Variants in BCL2L11 observed in about 807,000 individuals in gnomAD.
BCL2L11 encodes BCL2 like 11.
Under a neutral mutation model 20.6 loss-of-function variants are expected in BCL2L11, and 15 were observed. The observed-to-expected ratio is 0.73, with a 90% CI of 0.49 to 1.12. BCL2L11 has a LOEUF of 1.12. Ranked by LOEUF, BCL2L11 falls within the 50% of genes most tolerant of loss-of-function variation. The pLI is 0.00. For missense variants in BCL2L11, 292 were observed against 260.9 expected, an observed-to-expected ratio of 1.12 and a Z score of -0.82; for synonymous variants, 108 against 92.8, an observed-to-expected ratio of 1.16 and a Z score of -0.94.
intron 3 of BCL2L11, chr2:111,151,909 C>T: frequency 6.5e-7 from 1 of 1,531,492 alleles, no homozygotes; most frequent in Non-Finnish European, 8.9e-7. Context: ...TTTTTTGGAA[C>T]TTTGGTTGGT....
At chr2:111,139,086 A>G (rs1002184755) in intron 2 of BCL2L11, among the ~76,000 whole-genome samples, 5 of 152,150 alleles carry the variant, frequency 3.3e-5, no homozygotes, top group Non-Finnish European at 7.3e-5. Context: ...ATGCTACTAT[A>G]ATTCTAATCC....
At chr2:111,155,727 C>G (rs1289165818) in intron 3 of BCL2L11, among the ~76,000 whole-genome samples, 1 of 152,164 alleles carries the variant, frequency 6.6e-6, no homozygotes, top group Non-Finnish European at 1.5e-5. Context: ...CTGCAGTGGA[C>G]AGCAGCACAT....
At chr2:111,135,662 A>G (rs1365698554) in intron 2 of BCL2L11, among the ~76,000 whole-genome samples, 1 of 151,942 alleles carries the variant, frequency 6.6e-6, no homozygotes, top group African/African-American at 2.4e-5. Context: ...TGGGGCGAAG[A>G]CTCAGTACCC....
At position 111,123,857 on chromosome 2, in the gene BCL2L11, A is replaced by G. The variant is rs1559009310; in HGVS notation, c.112A>G (p.Thr38Ala). ...ACCTGGGGCCCCTACCTCCCTACAG[A>G]CAGAGCCACAAGGTAATCCTGAAGG... ...LRPGAPTSLQ[T>A]EPQGNPEGNH... Residue 38 changes from threonine (T) to alanine (A), a missense_variant, in exon 2 of 4, where the codon ACA becomes GCA. Thr to Ala is a moderately conservative substitution (Grantham distance 58). Transcript: ENST00000393256. 2 of 1,592,884 alleles carry G rather than the reference A, an allele frequency of 1.3e-6. No homozygotes were observed. Among genetic ancestry groups the G allele is most frequent in the East Asian group, 4.5e-5 (2 of 44,732 alleles).
intron 2 of BCL2L11, among the ~76,000 whole-genome samples, chr2:111,127,664 T>C (rs2072966991): frequency 6.6e-6 from 1 of 152,098 alleles, no homozygotes; most frequent in Non-Finnish European, 1.5e-5. Flanking sequence ...TGACCTCTGC[T>C]CTGCCAAAGT....
rs2150144990 is a variant in BCL2L11 at position 111,124,124 on chromosome 2, T to C, written c.379T>C (p.Tyr127His). The change falls in exon 2 of 4, where the codon TAT becomes CAT. Residue 127 changes from tyrosine (Y) to histidine (H), a missense_variant. Coordinates refer to ENST00000393256, the MANE Select transcript of BCL2L11 (RefSeq NM_138621.5). ...PSPPCQAFNHYLSAMASMRQA... is the reference protein window; with the variant it reads ...PSPPCQAFNHHLSAMASMRQA... ...TCCTCCTTGCCAGGCCTTCAACCAC[T>C]ATCTCAGTGCAATGGGTAAGCAATG... 6.2e-7 allele frequency: 1 copy of C among 1,610,866 alleles called. No homozygotes were observed. Among genetic ancestry groups the C allele is most frequent in the Non-Finnish European group, 8.5e-7 (1 of 1,178,628 alleles).
At chr2:111,148,430 A>G (rs1437452246) in intron 2 of BCL2L11, among the ~76,000 whole-genome samples, 1 of 152,270 alleles carries the variant, frequency 6.6e-6, no homozygotes, top group Non-Finnish European at 1.5e-5. Flanking sequence ...AGGAACTATG[A>G]CATCAGCATC....
In BCL2L11 at chr2:111,165,175, A is replaced by G. The variant is rs2078964682; in HGVS notation, c.*944A>G. The G allele has an allele frequency of 6.6e-6, 1 of 152,258 alleles. No individual in the cohort carries two copies. 9.4% of individuals were successfully genotyped at this position (152,258 alleles called of 1,614,324 possible). On this transcript the variant is annotated 3_prime_UTR_variant, in exon 4 of 4. Coordinates refer to ENST00000393256, the MANE Select transcript of BCL2L11 (RefSeq NM_138621.5). ...TATTGGGAAGTATTCTGAAGAGGCA[A>G]TAGCAGTAATAACAACAGACTTAAG... is the stretch of plus-strand genomic sequence containing the variant.
rs142329941 is a variant in BCL2L11 at position 111,163,119 on chromosome 2, G to C, written c.499-1014G>C. 52 of 154,574 alleles carry C rather than the reference G, an allele frequency of 3.4e-4. No homozygotes were observed. The East Asian group carries it at 9.8e-3, about 29-fold the overall frequency. The allele number at this position is 154,574 out of a possible 1,614,324, so 9.6% of individuals were successfully genotyped here. On this transcript the variant is annotated intron_variant, in intron 3 of 3. Coordinates refer to ENST00000393256, the MANE Select transcript of BCL2L11 (RefSeq NM_138621.5). ...GGAGCTGCAGCTGCGGCTGGTGTCT[G>C]TGGGGGCCATTCGGGGTCTGAGGGG... is the stretch of plus-strand genomic sequence containing the variant.
intron 2 of BCL2L11, among the ~76,000 whole-genome samples, chr2:111,134,785 T>C (rs753794032): frequency 3.3e-5 from 5 of 152,252 alleles, no homozygotes; most frequent in Non-Finnish European, 7.3e-5. Context: ...TCACGGAAGA[T>C]AGAATTCGCA....
At chr2:111,148,042 C>T (rs1231526199) in intron 2 of BCL2L11, among the ~76,000 whole-genome samples, 1 of 152,198 alleles carries the variant, frequency 6.6e-6, no homozygotes, top group African/African-American at 2.4e-5. Context: ...ACTTGGCCTG[C>T]AATTTTTACC....
rs1185182436 is a variant in BCL2L11 at position 111,121,643 on chromosome 2, CGT to C, written c.-14+457_-14+458del. ...TTTCGTGTCTTGGTTTTTTGGGGCG[CGT>C]GGGCCTGTTGCGGAGGATTTGCGGA... On this transcript the variant is annotated intron_variant, in intron 1 of 3. Transcript: ENST00000393256. Among the ~76,000 whole-genome samples the C allele has an allele frequency of 2.0e-5, 3 of 152,326 alleles. No individual in the cohort carries two copies. The East Asian group carries it at 5.8e-4, about 29-fold the overall frequency.
In BCL2L11 at chr2:111,121,014, CCG is replaced by C. The variant is rs2070783806; in HGVS notation, c.-186_-185del. 1 of 405,198 alleles carries C rather than the reference CCG, an allele frequency of 2.5e-6. No individual in the cohort carries two copies. Among genetic ancestry groups the C allele is most frequent in the African/African-American group, 2.2e-5 (1 of 45,860 alleles). The allele number at this position is 405,198 out of a possible 1,614,324, so 25.1% of individuals were successfully genotyped here. A position where few individuals can be genotyped will look rare whatever the true frequency, so the allele number is the denominator to read the frequency against. On this transcript the variant is annotated 5_prime_UTR_variant, in exon 1 of 4. Coordinates refer to ENST00000393256, the MANE Select transcript of BCL2L11 (RefSeq NM_138621.5). Reference sequence around the variant, plus strand: ...GCCGCCGCCGCCGCCGCCGCCGCCGCCGCCGCCACTACCACCACTTGATTCTT... The same window carrying C: ...GCCGCCGCCGCCGCCGCCGCCGCCGCCCGCCACTACCACCACTTGATTCTT...
chr2:111,165,461 A>G lies in BCL2L11; in HGVS notation c.*1230A>G. 6.6e-6 allele frequency: 1 copy of G among 152,406 alleles called. No individual in the cohort carries two copies. Among genetic ancestry groups the G allele is most frequent in the Non-Finnish European group, 1.5e-5 (1 of 68,068 alleles). The allele number at this position is 152,406 out of a possible 1,614,324, so 9.4% of individuals were successfully genotyped here. On this transcript the variant is annotated 3_prime_UTR_variant, in exon 4 of 4. Coordinates refer to ENST00000393256, the MANE Select transcript of BCL2L11 (RefSeq NM_138621.5). ...TTAAATTCACTTTGAAACAGGCCTC[A>G]TCCCACTTCCACCAGCACCATAGAA... is the stretch of plus-strand genomic sequence containing the variant.
intron 3 of BCL2L11, among the ~76,000 whole-genome samples, chr2:111,151,105 T>C (rs375174888): frequency 6.6e-6 from 1 of 152,186 alleles, no homozygotes; most frequent in Admixed American, 6.5e-5. Flanking sequence ...GGTTTCACCA[T>C]ATTGTCCAGG....
In BCL2L11 at chr2:111,164,294, A is replaced by G; in HGVS notation, c.*63A>G. On this transcript the variant is annotated 3_prime_UTR_variant, in exon 4 of 4. Transcript: ENST00000393256. ...TTGCTTGTTCAAACCAACAAGACCC[A>G]GCACCGCGGTCTCCTGGTGCCATTA... is the stretch of plus-strand genomic sequence containing the variant. 4 of 1,224,082 alleles carry G rather than the reference A, an allele frequency of 3.3e-6. No individual in the cohort carries two copies. The highest frequency in any genetic ancestry group is 1.2e-5 in the South Asian group (1 of 83,212). The allele number at this position is 1,224,082 out of a possible 1,614,324, so 75.8% of individuals were successfully genotyped here.
At chr2:111,145,976 T>C in intron 2 of BCL2L11, 1 of 979,108 alleles carries the variant, frequency 1.0e-6, no homozygotes, top group African/African-American at 1.8e-5. Context: ...TGGATCTGCC[T>C]AGGAAGTCAC....
chr2:111,127,525 G>T (rs2072931030), intron 2 of BCL2L11, among the ~76,000 whole-genome samples: 1 of 150,332 alleles, frequency 6.7e-6, no homozygotes, highest in Non-Finnish European at 1.5e-5. Context: ...GGGGAATAAT[G>T]GCCTGCAGAT....
In BCL2L11 at chr2:111,165,161, A is replaced by G. The variant is rs2078964166; in HGVS notation, c.*930A>G. 2 of 152,250 alleles carry G rather than the reference A, an allele frequency of 1.3e-5. No individual in the cohort carries two copies. The highest frequency in any genetic ancestry group is 2.9e-5 in the Non-Finnish European group (2 of 68,052). The allele number at this position is 152,250 out of a possible 1,614,324, so 9.4% of individuals were successfully genotyped here. On this transcript the variant is annotated 3_prime_UTR_variant, in exon 4 of 4. Coordinates refer to ENST00000393256, the MANE Select transcript of BCL2L11 (RefSeq NM_138621.5). ...TTCGACGAGCATGTTATTGGGAAGT[A>G]TTCTGAAGAGGCAATAGCAGTAATA...
Sources: gnomAD v4.1 joint callset for allele counts (sites outside exome capture counted in the v4.1 genomes callset) on GRCh38, gnomAD v4.1.1 for gene constraint, MANE v1.5 for transcripts, NCBI Gene and HGNC (gene_info 2026-07-23, HGNC 2026-07-21) for gene names.